The following SLC34A2 variants were observed in gnomAD, a reference collection of about 807,000 sequenced individuals.
SLC34A2 encodes the protein solute carrier family 34 member 2.
A neutral mutation model predicts 50.8 loss-of-function variants in SLC34A2; 41 were observed. The observed-to-expected ratio is 0.81, with a 90% CI of 0.63 to 1.05. The LOEUF (loss-of-function observed/expected upper bound fraction) is 1.05. Among genes scored for constraint, SLC34A2 ranks in the 50% least tolerant of loss-of-function variants. SLC34A2 has a pLI of 0.00. For synonymous variants in SLC34A2, 401 were observed against 364.2 expected, an observed-to-expected ratio of 1.10 and a Z score of -1.15; for missense variants, 879 against 876.7, an observed-to-expected ratio of 1.00 and a Z score of -0.03.
In SLC34A2 at chr4:25,673,236, A is replaced by G; in HGVS notation, c.1198A>G (p.Lys400Glu). 6 of 1,613,758 alleles carry G rather than the reference A, an allele frequency of 3.7e-6. No homozygotes were observed. The highest frequency in any genetic ancestry group is 5.1e-6 in the Non-Finnish European group (6 of 1,180,032). The stretch of plus-strand genomic sequence containing the variant: ...CAAGGGGCAGGTCGCCACTGTCATC[A>G]AGAAGACCATCAACACTGGTAGGTA... ...VLKGQVATVI[K>E]KTINTDFPFP... Residue 400 changes from lysine (K) to glutamate (E), a missense_variant, in exon 10 of 13, where the codon AAG (lysine) becomes GAG (glutamate). Coordinates refer to ENST00000382051, the MANE Select transcript of SLC34A2 (RefSeq NM_006424.3).
In SLC34A2 at chr4:25,669,174, CAT is replaced by C. The variant is rs111360634; in HGVS notation, c.636-472_636-471del. ...AATATTTTTACACCTTTCTGGGAAA[CAT>C]GTGATATTTTGTTACATTCATAGAA... is the stretch of plus-strand genomic sequence containing the variant. On this transcript the variant is annotated intron_variant, in intron 6 of 12. Transcript: ENST00000382051. 1.7e-3 allele frequency among the ~76,000 whole-genome samples: 255 copies of C among 152,130 alleles called. 4 individuals carry two copies. Among genetic ancestry groups the C allele is most frequent in the African/African-American group, 5.2e-3 (214 of 41,528 alleles).
chr4:25,662,688 C>CCTTTTGCT lies in SLC34A2; in HGVS notation c.113-16_113-9dup. The CCTTTTGCT allele has an allele frequency of 1.2e-6, 2 of 1,614,074 alleles. No homozygotes were observed. Among genetic ancestry groups the CCTTTTGCT allele is most frequent in the Non-Finnish European group, 1.7e-6 (2 of 1,180,016 alleles). ...GACTCAGGTCTGATTCCTCATTACC[C>CCTTTTGCT]CTTTTGCTTGTTTCAGCAGATAACA... On this transcript the variant is annotated splice_polypyrimidine_tract_variant and intron_variant, in intron 2 of 12. Transcript: ENST00000382051.
At chr4:25,665,227 C>T (rs992053314) in intron 4 of SLC34A2, 5 of 171,138 alleles carry the variant, frequency 2.9e-5, no homozygotes, top group African/African-American at 5.3e-5. Flanking sequence ...AGTGCATTGG[C>T]GTGATCTCAG....
chr4:25,660,344 TATTCCTAGCTTCCTG>T (rs913037792), intron 1 of SLC34A2, among the ~76,000 whole-genome samples: 1 of 152,174 alleles, frequency 6.6e-6, no homozygotes, highest in Non-Finnish European at 1.5e-5. Context: ...TGAGAGGAAA[TATTCCTAGCTTCCTG>T]ATTCCTAGAA....
chr4:25,671,555 C>A (rs1430558123), intron 8 of SLC34A2, 46 bp from the exon 9 acceptor site: 1 of 1,613,806 alleles, frequency 6.2e-7, no homozygotes, highest in Admixed American at 1.7e-5. Flanking sequence ...CTCCCATTCC[C>A]CACTAAAAGC....
chr4:25,663,617 T>G, intron 3 of SLC34A2, among the ~76,000 whole-genome samples: 2 of 150,386 alleles, frequency 1.3e-5, no homozygotes, highest in Non-Finnish European at 3.0e-5. Flanking sequence ...AAAAGGAGAT[T>G]GGGGTGTGGG....
Position 25,664,324 on chromosome 4 carries a change from G to T in SLC34A2, c.373G>T (p.Val125Phe). The T allele has an allele frequency of 6.2e-7, 1 of 1,614,124 alleles. No homozygotes were observed. Among genetic ancestry groups the T allele is most frequent in the Non-Finnish European group, 8.5e-7 (1 of 1,180,014 alleles). ...LDILSSAFQLVGGKMAGQFFS... is the reference protein window; with the variant it reads ...LDILSSAFQLFGGKMAGQFFS... ...TATTCTTAGTAGCGCCTTCCAGCTG[G>T]TTGGAGGTAAGAATGAAAGGGTGAG... The change falls in exon 4 of 13, where the codon GTT (valine) becomes TTT (phenylalanine). Residue 125 changes from valine (V) to phenylalanine (F), a missense_variant. Physicochemically the swap from Val to Phe is conservative, Grantham distance 50. Coordinates refer to ENST00000382051, the MANE Select transcript of SLC34A2 (RefSeq NM_006424.3).
chr4:25,670,625 G>T lies in SLC34A2; in HGVS notation c.832-113G>T, dbSNP rs1714761143. On this transcript the variant is annotated intron_variant, in intron 7 of 12. Transcript: ENST00000382051. ...GTGAGTCCCACTTTGCCTCTCTGGG[G>T]GCTCACAGTCACATTTATCTCCTTA... is the stretch of plus-strand genomic sequence containing the variant. The T allele has an allele frequency of 3.9e-6, 3 of 776,150 alleles. No homozygotes were observed. In the South Asian group the frequency reaches 4.4e-5, roughly 11 times the overall value. 48.1% of individuals were successfully genotyped at this position (776,150 alleles called of 1,614,324 possible).
chr4:25,673,773 T>C (rs950432903), intron 10 of SLC34A2, among the ~76,000 whole-genome samples: 1 of 152,150 alleles, frequency 6.6e-6, no homozygotes, highest in Admixed American at 6.5e-5. Context: ...CAGTGAAATA[T>C]AGCCAAGAAA....
chr4:25,663,638 G>A (rs1031273166), intron 3 of SLC34A2, among the ~76,000 whole-genome samples: 3 of 152,062 alleles, frequency 2.0e-5, no homozygotes, highest in African/African-American at 7.2e-5. Flanking sequence ...GTGGGGAGGA[G>A]AGGTAGGAAG....
intron 10 of SLC34A2, 107 bp from the exon 11 acceptor site, chr4:25,674,189 T>C (rs1714975744): frequency 7.8e-6 from 6 of 769,182 alleles, no homozygotes; most frequent in Non-Finnish European, 1.4e-5. Flanking sequence ...TCTGAGACCA[T>C]ATATGGGATG....
intron 12 of SLC34A2, among the ~76,000 whole-genome samples, chr4:25,675,632 T>G (rs1273522262): frequency 6.6e-6 from 1 of 152,250 alleles, no homozygotes; most frequent in African/African-American, 2.4e-5. Context: ...CTTTAATATG[T>G]CATCTGTCAA....
chr4:25,672,737 C>T lies in SLC34A2; in HGVS notation c.1049-350C>T, dbSNP rs183846140. On this transcript the variant is annotated intron_variant, in intron 9 of 12. Transcript: ENST00000382051. ...ATGCCCCTTACTTTGACTTGCCCAT[C>T]GAATCCCTCAAAGCATACTTATCAT... 5.0e-4 allele frequency among the ~76,000 whole-genome samples: 76 copies of T among 151,906 alleles called. No homozygotes were observed. In the Middle Eastern group the frequency reaches 0.017, roughly 34 times the overall value.
chr4:25,666,231 C>T lies in SLC34A2; in HGVS notation c.483C>T (p.Ser161=). 1 of 1,614,068 alleles carries T rather than the reference C, an allele frequency of 6.2e-7. No homozygotes were observed. The highest frequency in any genetic ancestry group is 2.2e-5 in the East Asian group (1 of 44,886). ...TGACCGTCTTGGTGCAGAGCTCCAG[C>T]ACCTCAACGTCCATCGTTGTCAGCA... ...VLVTVLVQSS[S]TSTSIVVSMV... Residue 161 remains serine (S), a synonymous_variant, in exon 5 of 13, where the codon AGC becomes AGT. Coordinates refer to ENST00000382051, the MANE Select transcript of SLC34A2 (RefSeq NM_006424.3).
chr4:25,676,968 A>G lies in SLC34A2; in HGVS notation c.*219A>G. ...TGGTCACTCAGTAATCTTTTACTCC[A>G]GGAAGGCACAGGATGGTACCTAAAG... On this transcript the variant is annotated 3_prime_UTR_variant, in exon 13 of 13. Transcript: ENST00000382051. The G allele has an allele frequency of 1.7e-6, 1 of 604,630 alleles. No individual in the cohort carries two copies. Among genetic ancestry groups the G allele is most frequent in the Non-Finnish European group, 2.9e-6 (1 of 340,288 alleles). 37.5% of individuals were successfully genotyped at this position (604,630 alleles called of 1,614,324 possible).
Position 25,669,660 on chromosome 4 carries a change from G to T in SLC34A2, c.649G>T (p.Ala217Ser). Residue 217 changes from alanine (A) to serine (S), a missense_variant, in exon 7 of 13, where the codon GCC (alanine) becomes TCC (serine). Ala to Ser is a moderately conservative substitution (Grantham distance 99). Coordinates refer to ENST00000382051, the MANE Select transcript of SLC34A2 (RefSeq NM_006424.3). Reference protein sequence around the residue: ...RSEFRRAFAGATVHDFFNWLS... With the variant: ...RSEFRRAFAGSTVHDFFNWLS... ...TCCCTCCCATAGAGCTTTTGCAGGA[G>T]CCACTGTCCATGACTTCTTCAACTG... is the stretch of plus-strand genomic sequence containing the variant. 1.2e-6 allele frequency: 2 copies of T among 1,613,986 alleles called. No homozygotes were observed. Among genetic ancestry groups the T allele is most frequent in the South Asian group, 2.2e-5 (2 of 91,056 alleles).
intron 1 of SLC34A2, among the ~76,000 whole-genome samples, chr4:25,661,913 C>A (rs1577490476): frequency 6.6e-6 from 1 of 150,728 alleles, no homozygotes; most frequent in South Asian, 2.1e-4. Context: ...ACTTTTGTCA[C>A]CCAGGCTGGA....
chr4:25,662,930 T>C (rs1341908900), intron 3 of SLC34A2, 88 bp downstream of exon 3: 2 of 1,490,568 alleles, frequency 1.3e-6, no homozygotes, highest in Non-Finnish European at 1.8e-6. Flanking sequence ...CCCTTTTCAT[T>C]GTTCTGATTC....
In SLC34A2 at chr4:25,676,774, G is replaced by C. The variant is rs3733545; in HGVS notation, c.*25G>C. ...GGGGACGCCCCAGATTGTCAGGGATGGGGGGATGGTCCTTGAGTTTTGCAT... is the reference window on the plus strand; with the variant it reads ...GGGGACGCCCCAGATTGTCAGGGATCGGGGGATGGTCCTTGAGTTTTGCAT... On this transcript the variant is annotated 3_prime_UTR_variant, in exon 13 of 13. Coordinates refer to ENST00000382051, the MANE Select transcript of SLC34A2 (RefSeq NM_006424.3). 1.2e-6 allele frequency: 2 copies of C among 1,613,382 alleles called. No individual in the cohort carries two copies. The highest frequency in any genetic ancestry group is 1.3e-5 in the African/African-American group (1 of 74,840).
Sources: gnomAD v4.1 joint callset for allele counts (sites outside exome capture counted in the v4.1 genomes callset) on GRCh38, gnomAD v4.1.1 for gene constraint, MANE v1.5 for transcripts, NCBI Gene and HGNC (gene_info 2026-07-23, HGNC 2026-07-21) for gene names.